FANCA: variants seen among roughly 807,000 people sequenced by gnomAD.
FANCA encodes the protein FA complementation group A.
Under a neutral mutation model 194.3 loss-of-function variants are expected in FANCA, and 236 were observed. That is an observed-to-expected ratio of 1.21 (90% CI 1.09 to 1.35). The LOEUF is 1.35. FANCA is among the 40% of genes most tolerant of loss of function. The pLI, the probability that FANCA is intolerant of heterozygous loss-of-function variation, is 0.00. For missense variants in FANCA, 2,628 were observed against 1,813.9 expected, an observed-to-expected ratio of 1.45 and a Z score of -8.15; for synonymous variants, 1,014 against 715.8, an observed-to-expected ratio of 1.42 and a Z score of -6.65.
chr16:89,753,923 C>T (rs78166410), intron 30 of FANCA, among the ~76,000 whole-genome samples: 51 of 152,158 alleles, frequency 3.4e-4, no homozygotes, highest in African/African-American at 1.2e-3. Context: ...GGCGTGTTAG[C>T]GGACGCCAGT....
At chr16:89,740,781 T>C (rs1187700895) in intron 38 of FANCA, 23 bp downstream of exon 38, 2 of 1,611,018 alleles carry the variant, frequency 1.2e-6, no homozygotes, top group South Asian at 1.1e-5. Context: ...AGAGGACACC[T>C]TGGCTGGTAA....
intron 29 of FANCA, 50 bp from the exon 30 acceptor site, chr16:89,758,755 C>T (rs752165890): frequency 5.6e-6 from 9 of 1,606,038 alleles, no homozygotes; most frequent in South Asian, 4.4e-5. Context: ...TCGTGGCCAG[C>T]GGTTCCCCAT....
intron 14 of FANCA, 44 bp from the exon 15 acceptor site, chr16:89,785,008 G>A (rs2039849841): frequency 7.0e-7 from 1 of 1,423,676 alleles, no homozygotes; most frequent in African/African-American, 1.4e-5. Context: ...GCCAGGCGCG[G>A]CTGCACCACC....
intron 33 of FANCA, 115 bp downstream of exon 33, chr16:89,748,544 T>C: frequency 2.3e-6 from 2 of 867,046 alleles, no homozygotes; most frequent in Non-Finnish European, 3.8e-6. Context: ...TATTTGACTT[T>C]GAACCCTTTC....
rs56113506 is a variant in FANCA, at chr16:89,758,973, G to A, written c.2853-268C>T. Among the ~76,000 whole-genome samples the A allele has an allele frequency of 4.4e-3, 665 of 152,168 alleles. 3 individuals are homozygous for A. Among genetic ancestry groups the A allele is most frequent in the African/African-American group, 0.015 (637 of 41,504 alleles). ...GCCACTCAGGATGACATCCCACGGG[G>A]TAACTGCTGGCCACACAGCACATGA... On this transcript the variant is annotated intron_variant, in intron 29 of 42. Transcript: ENST00000389301.
intron 30 of FANCA, 118 bp from the exon 31 acceptor site, chr16:89,752,340 C>A: frequency 1.2e-6 from 1 of 846,330 alleles, no homozygotes; most frequent in Non-Finnish European, 2.0e-6. Context: ...GTGTGACCCT[C>A]ACATTAGTCA....
chr16:89,803,458 A>G, intron 7 of FANCA, 117 bp from the exon 8 acceptor site: 1 of 917,916 alleles, frequency 1.1e-6, no homozygotes, highest in Non-Finnish European at 1.8e-6. Context: ...GCCCACCAGG[A>G]CCCCTGTGAG....
intron 10 of FANCA, chr16:89,798,624 A>C: frequency 1.7e-6 from 2 of 1,173,516 alleles, no homozygotes; most frequent in Non-Finnish European, 2.1e-6. Flanking sequence ...CCCAGCCCCC[A>C]CTCCTCAGCT....
chr16:89,811,282 G>A (rs2040869584), intron 3 of FANCA, among the ~76,000 whole-genome samples: 1 of 152,224 alleles, frequency 6.6e-6, no homozygotes, highest in South Asian at 2.1e-4. Context: ...GGCAACACCT[G>A]AACCCAGAGT....
In FANCA at chr16:89,765,706, G is replaced by A. The variant is rs572885743; in HGVS notation, c.2602-640C>T. On this transcript the variant is annotated intron_variant, in intron 27 of 42. Coordinates refer to ENST00000389301, the MANE Select transcript of FANCA (RefSeq NM_000135.4). Reference sequence around the variant, plus strand: ...CATCTCTGCCCCCGAGGAGATGAGAGCCTCCCATGTTTATAACCAGCCTGC... The same window carrying A: ...CATCTCTGCCCCCGAGGAGATGAGAACCTCCCATGTTTATAACCAGCCTGC... Among the ~76,000 whole-genome samples, 4 of 152,372 alleles carry A rather than the reference G, an allele frequency of 2.6e-5. No homozygotes were observed. In the East Asian group the frequency reaches 7.7e-4, roughly 29 times the overall value.
chr16:89,761,312 G>C (rs547351160), intron 29 of FANCA, among the ~76,000 whole-genome samples: 65 of 151,816 alleles, frequency 4.3e-4, no homozygotes, highest in Admixed American at 1.2e-3. Context: ...CCAGCTACTC[G>C]GGAGGCTGAG....
In FANCA at chr16:89,765,081, G is replaced by T; in HGVS notation, c.2602-15C>A. The stretch of plus-strand genomic sequence containing the variant: ...AGGAACTGAAACTGAAACAGAGAGT[G>T]ACCCGGCCGTTTCTTCATTGCGCAA... On this transcript the variant is annotated splice_polypyrimidine_tract_variant and intron_variant, in intron 27 of 42. Transcript: ENST00000389301. The T allele has an allele frequency of 2.5e-6, 4 of 1,613,698 alleles. No homozygotes were observed. The highest frequency in any genetic ancestry group is 2.2e-5 in the East Asian group (1 of 44,878).
intron 30 of FANCA, 119 bp downstream of exon 30, chr16:89,758,458 A>G (rs1598091091): frequency 8.1e-7 from 1 of 1,236,210 alleles, no homozygotes. Flanking sequence ...ATAGGCTGGG[A>G]AAGGCAGACC....
At chr16:89,803,882 G>C (rs1041333914) in intron 7 of FANCA, among the ~76,000 whole-genome samples, 2 of 152,106 alleles carry the variant, frequency 1.3e-5, no homozygotes, top group Admixed American at 6.6e-5. Flanking sequence ...GCCTCCCAAA[G>C]TGCTGGGATT....
intron 30 of FANCA, among the ~76,000 whole-genome samples, chr16:89,757,228 G>A (rs2038797138): frequency 6.6e-6 from 1 of 152,060 alleles, no homozygotes; most frequent in South Asian, 2.1e-4. Flanking sequence ...TCCCAGTGCT[G>A]AGATTCCAGG....
intron 20 of FANCA, among the ~76,000 whole-genome samples, chr16:89,776,700 G>A (rs575737578): frequency 4.2e-4 from 64 of 151,814 alleles, no homozygotes; most frequent in African/African-American, 1.4e-3. Context: ...GCGTGGTGGC[G>A]GGCGCCTGCA....
At chr16:89,791,731 T>C (rs1037388077) in intron 13 of FANCA, 195 bp from the exon 14 acceptor site, 17 of 960,880 alleles carry the variant, frequency 1.8e-5, no homozygotes, top group Non-Finnish European at 2.5e-5. Context: ...CAGTGGACAC[T>C]CTGGCCTCTC....
rs2038962150 is a variant in FANCA, at chr16:89,761,801, T to C, written c.2852+148A>G. On this transcript the variant is annotated intron_variant, in intron 29 of 42. Coordinates refer to ENST00000389301, the MANE Select transcript of FANCA (RefSeq NM_000135.4). ...GCATGTCCGGCTAATTTCTTTTCTA[T>C]TTTTTGTAGAAATGGAGTTTCCCCA... 13 of 700,596 alleles carry C rather than the reference T, an allele frequency of 1.9e-5. No homozygotes were observed. In the South Asian group the frequency reaches 2.0e-4, roughly 11 times the overall value. The allele number at this position is 700,596 out of a possible 1,614,324, so 43.4% of individuals were successfully genotyped here.
rs144649440 is a variant in FANCA, at chr16:89,781,411, T to C, written c.1626+1448A>G. Among the ~76,000 whole-genome samples the C allele has an allele frequency of 2.5e-3, 340 of 138,452 alleles. 2 individuals are homozygous for C. Among genetic ancestry groups the C allele is most frequent in the African/African-American group, 6.2e-3 (228 of 36,802 alleles). 90.8% of individuals were successfully genotyped at this position (138,452 alleles called of 152,430 possible). On this transcript the variant is annotated intron_variant, in intron 17 of 42. Transcript: ENST00000389301. ...ACAATACGCTGGGCACAGTGGCTCA[T>C]GCCTGTAATCCCAGGACTTTGGGAG... is the stretch of plus-strand genomic sequence containing the variant.
Sources: gnomAD v4.1 joint callset for allele counts (sites outside exome capture counted in the v4.1 genomes callset) on GRCh38, gnomAD v4.1.1 for gene constraint, MANE v1.5 for transcripts, NCBI Gene and HGNC (gene_info 2026-07-23, HGNC 2026-07-21) for gene names.